The following NWD2 variants were observed in gnomAD, a reference collection of about 807,000 sequenced individuals.
NWD2 encodes NACHT and WD repeat domain containing 2.
A neutral mutation model predicts 132.7 loss-of-function variants in NWD2; 37 were observed. The ratio of observed to expected loss-of-function variants is 0.28; its 90% CI spans 0.21 to 0.37. NWD2 has a LOEUF of 0.37. Among genes scored for constraint, NWD2 ranks in the 10% least tolerant of loss-of-function variants. The pLI, the probability that NWD2 is intolerant of heterozygous loss-of-function variation, is 1.00. For synonymous variants in NWD2, 705 were observed against 803.0 expected, an observed-to-expected ratio of 0.88 and a Z score of 2.06; for missense variants, 1,592 against 2,122.4, an observed-to-expected ratio of 0.75 and a Z score of 4.91.
intron 3 of NWD2, among the ~76,000 whole-genome samples, chr4:37,402,755 C>T (rs12505541): frequency 0.13 from 19,804 of 152,134 alleles, 1,809 homozygotes; most frequent in African/African-American, 0.25. Flanking sequence ...TCATTTAAAA[C>T]TTTGGGAAGA....
At chr4:37,407,845 T>C (rs573069676) in intron 3 of NWD2, among the ~76,000 whole-genome samples, 5 of 152,148 alleles carry the variant, frequency 3.3e-5, no homozygotes, top group Non-Finnish European at 5.9e-5. Flanking sequence ...GTTGATCTCA[T>C]TGGGACTGGT....
chr4:37,347,501 T>C (rs942513302), intron 2 of NWD2, among the ~76,000 whole-genome samples: 28 of 152,160 alleles, frequency 1.8e-4, no homozygotes, highest in Admixed American at 8.5e-4. Flanking sequence ...TTTAATTTAT[T>C]AAAATTATAC....
intron 1 of NWD2, among the ~76,000 whole-genome samples, chr4:37,266,844 A>C (rs1179028307): frequency 1.3e-5 from 2 of 152,028 alleles, no homozygotes; most frequent in Non-Finnish European, 2.9e-5. Context: ...TATTCTGTGC[A>C]ATACTCATAG....
intron 3 of NWD2, among the ~76,000 whole-genome samples, chr4:37,396,170 G>A (rs1214212703): frequency 6.6e-6 from 1 of 152,138 alleles, no homozygotes; most frequent in Non-Finnish European, 1.5e-5. Context: ...CTCTTTCATG[G>A]AGCTCATTTG....
chr4:37,308,044 A>G (rs1198010976), intron 1 of NWD2, among the ~76,000 whole-genome samples: 2 of 152,154 alleles, frequency 1.3e-5, no homozygotes, highest in Non-Finnish European at 2.9e-5. Flanking sequence ...ATTCTCTTAT[A>G]TCTTTCTGAG....
At chr4:37,375,967 A>C (rs1017416584) in intron 3 of NWD2, among the ~76,000 whole-genome samples, 1 of 152,080 alleles carries the variant, frequency 6.6e-6, no homozygotes, top group Non-Finnish European at 1.5e-5. Flanking sequence ...TATGCTTTGA[A>C]ATCGTGATTT....
At chr4:37,366,503 G>A (rs1410525296) in intron 3 of NWD2, among the ~76,000 whole-genome samples, 2 of 152,074 alleles carry the variant, frequency 1.3e-5, no homozygotes, top group African/African-American at 4.8e-5. Flanking sequence ...CTAAAGAATA[G>A]ATGAAACAAG....
At chr4:37,267,867 T>C (rs928215698) in intron 1 of NWD2, among the ~76,000 whole-genome samples, 1 of 151,876 alleles carries the variant, frequency 6.6e-6, no homozygotes, top group Non-Finnish European at 1.5e-5. Context: ...ATTTAAGAGA[T>C]ATACGATTAT....
chr4:37,418,320 A>C (rs1711686891), intron 3 of NWD2, among the ~76,000 whole-genome samples: 1 of 152,182 alleles, frequency 6.6e-6, no homozygotes, highest in Non-Finnish European at 1.5e-5. Context: ...TTAATAAATT[A>C]ATACATAGGG....
At chr4:37,441,064 G>T (rs1157433238) in intron 6 of NWD2, among the ~76,000 whole-genome samples, 2 of 152,212 alleles carry the variant, frequency 1.3e-5, no homozygotes, top group African/African-American at 2.4e-5. Flanking sequence ...TAAGCCCATA[G>T]GTGAAATCAG....
rs546114205 is a variant in NWD2, at chr4:37,248,135, T to C, written c.151+2917T>C. On this transcript the variant is annotated intron_variant, in intron 1 of 6. Transcript: ENST00000309447. ...TATAGGACCCTGACAACACTTGATA[T>C]TCTCTTGTCCAGCCTAGGCTCTTGA... Among the ~76,000 whole-genome samples the C allele has an allele frequency of 3.3e-5, 5 of 152,258 alleles. No individual in the cohort carries two copies. In the South Asian group the frequency reaches 1.0e-3, roughly 32 times the overall value.
intron 3 of NWD2, among the ~76,000 whole-genome samples, chr4:37,423,940 T>C (rs541227860): frequency 6.6e-6 from 1 of 152,336 alleles, no homozygotes; most frequent in East Asian, 1.9e-4. Context: ...GTATAGGTGC[T>C]TCTTGACTTC....
At chr4:37,442,816 T>A (rs1299284211) in intron 6 of NWD2, among the ~76,000 whole-genome samples, 2 of 152,188 alleles carry the variant, frequency 1.3e-5, no homozygotes. Context: ...TGACATTATA[T>A]GCTCTCAATT....
At chr4:37,264,478 G>A (rs2109260538) in intron 1 of NWD2, among the ~76,000 whole-genome samples, 1 of 152,128 alleles carries the variant, frequency 6.6e-6, no homozygotes, top group East Asian at 1.9e-4. Flanking sequence ...TCGGTGTTCT[G>A]GAGATTTTTT....
intron 1 of NWD2, among the ~76,000 whole-genome samples, chr4:37,274,906 A>G (rs531076249): frequency 1.2e-4 from 18 of 152,210 alleles, no homozygotes; most frequent in Middle Eastern, 3.4e-3. Flanking sequence ...AACTCAATAA[A>G]TTAGGTAATG....
rs202105367 is a variant in NWD2 at position 37,444,245 on chromosome 4, C to A, written c.2257C>A (p.Arg753Ser). ...KLYLQDDNDLREMHTILADYF... is the reference protein window; with the variant it reads ...KLYLQDDNDLSEMHTILADYF... Reference sequence around the variant, plus strand: ...ATATCTGCAGGATGACAATGACCTGCGTGAAATGCACACCATCTTAGCAGA... The same window carrying A: ...ATATCTGCAGGATGACAATGACCTGAGTGAAATGCACACCATCTTAGCAGA... The change falls in exon 7 of 7, where the codon CGT (arginine) becomes AGT (serine). Residue 753 changes from arginine (R) to serine (S), a missense_variant. Transcript: ENST00000309447. The surrounding 1 kb of genome is among the most constrained non-coding windows in gnomAD (Gnocchi z 4.8). 3 of 1,551,660 alleles carry A rather than the reference C, an allele frequency of 1.9e-6. No individual in the cohort carries two copies. Among genetic ancestry groups the A allele is most frequent in the Admixed American group, 2.0e-5 (1 of 50,994 alleles).
rs549469848 is a variant in NWD2, at chr4:37,444,923, C to T, written c.2935C>T (p.Pro979Ser). 7.6e-5 allele frequency: 118 copies of T among 1,552,292 alleles called. 1 individual carries two copies. The highest frequency in any genetic ancestry group is 1.0e-4 in the Non-Finnish European group (118 of 1,147,136). Reference sequence around the variant, plus strand: ...CACAGAGATCCTGCCTACCTGTAACCCCAGCACTGTCCTCACAGCTTTAGA... The same window carrying T: ...CACAGAGATCCTGCCTACCTGTAACTCCAGCACTGTCCTCACAGCTTTAGA... ...HVTEILPTCN[P>S]STVLTALENG... Residue 979 changes from proline (P) to serine (S), a missense_variant, in exon 7 of 7, where the codon CCC becomes TCC. Coordinates refer to ENST00000309447, the MANE Select transcript of NWD2 (RefSeq NM_001144990.2). This position sits in a 1 kb window ranked among gnomAD's most constrained non-coding sequence, Gnocchi z 4.8.
chr4:37,384,007 G>A (rs546284669), intron 3 of NWD2, among the ~76,000 whole-genome samples: 1 of 152,058 alleles, frequency 6.6e-6, no homozygotes, highest in South Asian at 2.1e-4. Context: ...GTGCCGGTCT[G>A]TTACATAGGT....
chr4:37,384,704 T>C (rs1720523458), intron 3 of NWD2, among the ~76,000 whole-genome samples: 1 of 152,206 alleles, frequency 6.6e-6, no homozygotes, highest in Admixed American at 6.5e-5. Flanking sequence ...CACAAAGTCA[T>C]TCAGCCTCCA....
Sources: gnomAD v4.1 joint callset for allele counts (sites outside exome capture counted in the v4.1 genomes callset) on GRCh38, gnomAD v4.1.1 for gene constraint, Gnocchi (gnomAD v3.1) non-coding constraint, MANE v1.5 for transcripts, NCBI Gene and HGNC (gene_info 2026-07-23, HGNC 2026-07-21) for gene names.